Variants in ST6GAL2 observed in about 807,000 individuals in gnomAD.
ST6GAL2 encodes the protein beta-galactoside alpha-2,6-sialyltransferase 2.
A neutral mutation model predicts 37.5 loss-of-function variants in ST6GAL2; 24 were observed. The ratio of observed to expected loss-of-function variants is 0.64; its 90% confidence interval spans 0.46 to 0.90. The LOEUF (loss-of-function observed/expected upper bound fraction) is 0.90, where lower values mean the gene tolerates loss of function less well. ST6GAL2 is among the 40% of genes least tolerant of loss of function. The probability of loss-of-function intolerance (pLI) is 0.00; values close to 1 mark genes in which losing one functional copy is unlikely to be tolerated. For synonymous variants in ST6GAL2, 306 were observed against 295.1 expected, an observed-to-expected ratio of 1.04 and a Z score of -0.38; for missense variants, 715 against 712.7, an observed-to-expected ratio of 1.00 and a Z score of -0.04.
At chr2:106,832,262 G>A (rs946925626) in intron 4 of ST6GAL2, among the ~76,000 whole-genome samples, 2 of 152,196 alleles carry the variant, frequency 1.3e-5, no homozygotes, top group Admixed American at 6.5e-5. Context: ...ACAATTCTGA[G>A]TTTAATCAGT....
intron 1 of ST6GAL2, among the ~76,000 whole-genome samples, chr2:106,867,338 T>C (rs1678073156): frequency 6.6e-6 from 1 of 152,212 alleles, no homozygotes; most frequent in African/African-American, 2.4e-5. Context: ...ATTTTTGTCA[T>C]GATTCCACTG....
At chr2:106,867,063 A>C (rs1678058217) in intron 1 of ST6GAL2, among the ~76,000 whole-genome samples, 1 of 152,206 alleles carries the variant, frequency 6.6e-6, no homozygotes, top group South Asian at 2.1e-4. Context: ...AAGGAAGAGA[A>C]GGGAAAGGAG....
At chr2:106,860,577 C>CGG (rs754179681) in intron 1 of ST6GAL2, among the ~76,000 whole-genome samples, 10 of 152,240 alleles carry the variant, frequency 6.6e-5, no homozygotes, top group Non-Finnish European at 7.3e-5. Flanking sequence ...TACTGCAACA[C>CGG]GGGCAGGTAC....
At chr2:106,828,955 G>T (rs1258846297) in intron 5 of ST6GAL2, among the ~76,000 whole-genome samples, 1 of 152,148 alleles carries the variant, frequency 6.6e-6, no homozygotes, top group Non-Finnish European at 1.5e-5. Flanking sequence ...CCAGTGTGAT[G>T]CTCTTGTTAT....
chr2:106,822,385 A>G (rs1676037534), intron 5 of ST6GAL2, among the ~76,000 whole-genome samples: 1 of 152,174 alleles, frequency 6.6e-6, no homozygotes, highest in Non-Finnish European at 1.5e-5. Flanking sequence ...AAAAGAAATC[A>G]AGAAGGTAAT....
In ST6GAL2 at chr2:106,832,579, C is replaced by T. The variant is rs779528340; in HGVS notation, c.1129G>A (p.Ala377Thr). 2.8e-5 allele frequency: 44 copies of T among 1,578,708 alleles called. No homozygotes were observed. The highest frequency in any genetic ancestry group is 5.6e-5 in the Admixed American group (3 of 53,426). ...GAAACACTTACCAGGTTAAGATTTG[C>T]GGAATATGGGGCAGGGTCCCAGGCC... ...LVAWDPAPYSANLNLWYKKPD... is the reference protein window; with the variant it reads ...LVAWDPAPYSTNLNLWYKKPD... Residue 377 changes from alanine to threonine, a missense_variant, in exon 4 of 6, where the codon GCA becomes ACA. Physicochemically the swap from Ala to Thr is moderately conservative, Grantham distance 58. Around this residue, in one of 3 missense-constraint regions of ST6GAL2, gnomAD observed 198 missense variants for 203.6 expected, o/e 0.97. Transcript: ENST00000409382.
Position 106,833,706 on chromosome 2 carries a change from C to T in ST6GAL2, c.1041+343G>A, listed in dbSNP as rs577533629. 5.3e-5 allele frequency among the ~76,000 whole-genome samples: 8 copies of T among 152,246 alleles called. No homozygotes were observed. The East Asian group carries it at 1.2e-3, about 22-fold the overall frequency. On this transcript the variant is annotated intron_variant, in intron 3 of 5. Coordinates refer to ENST00000409382, the MANE Select transcript of ST6GAL2 (RefSeq NM_001142351.2). The stretch of plus-strand genomic sequence containing the variant: ...TATACTTTGCTTTTCTCCCCTTTAT[C>T]CTCTGCTTTCTTTATTGCCATTTCT...
At chr2:106,852,826 C>T (rs966337468) in intron 1 of ST6GAL2, among the ~76,000 whole-genome samples, 2 of 152,138 alleles carry the variant, frequency 1.3e-5, no homozygotes, top group Admixed American at 6.5e-5. Context: ...GGTGGGTGCA[C>T]GAGCAGCGAA....
chr2:106,839,393 A>G (rs952008746), intron 2 of ST6GAL2, among the ~76,000 whole-genome samples: 3 of 151,962 alleles, frequency 2.0e-5, no homozygotes, highest in African/African-American at 7.3e-5. Flanking sequence ...GTCAGCCTAC[A>G]TATCTCTCTG....
intron 2 of ST6GAL2, 59 bp downstream of exon 2, chr2:106,842,976 G>A (rs1676956654): frequency 2.4e-6 from 3 of 1,248,698 alleles, no homozygotes; most frequent in East Asian, 3.1e-5. Context: ...AGAAAGAACC[G>A]GCCCCCAGGG....
In ST6GAL2 at chr2:106,805,796, A is replaced by G. The variant is rs568381285; in HGVS notation, c.*882T>C. The stretch of plus-strand genomic sequence containing the variant: ...CCCAGCACAGCTGTGCCAATTGTCA[A>G]GTGTGTCACTGACTATGCAAAAGCT... On this transcript the variant is annotated 3_prime_UTR_variant, in exon 6 of 6. Transcript: ENST00000409382. 2.6e-5 allele frequency: 4 copies of G among 152,302 alleles called. No homozygotes were observed. The highest frequency in any genetic ancestry group is 9.6e-5 in the African/African-American group (4 of 41,566). The allele number at this position is 152,302 out of a possible 1,614,324, so 9.4% of individuals were successfully genotyped here.
chr2:106,876,287 G>A (rs1016789291), intron 1 of ST6GAL2, among the ~76,000 whole-genome samples: 1 of 152,066 alleles, frequency 6.6e-6, no homozygotes, highest in Non-Finnish European at 1.5e-5. Flanking sequence ...TGGTCTTCTG[G>A]TTATAGTCTA....
chr2:106,879,201 C>T (rs1015052568), intron 1 of ST6GAL2, among the ~76,000 whole-genome samples: 1 of 152,144 alleles, frequency 6.6e-6, no homozygotes, highest in African/African-American at 2.4e-5. Context: ...AACCCTGCCT[C>T]TTCTGTGTAT....
At chr2:106,849,654 A>G (rs1263060838) in intron 1 of ST6GAL2, among the ~76,000 whole-genome samples, 3 of 152,134 alleles carry the variant, frequency 2.0e-5, no homozygotes, top group Non-Finnish European at 2.9e-5. Context: ...ATGTGAGTGT[A>G]ACACCTTTAA....
At chr2:106,883,863 AG>A (rs1678850145) in intron 1 of ST6GAL2, among the ~76,000 whole-genome samples, 2 of 152,238 alleles carry the variant, frequency 1.3e-5, no homozygotes, top group South Asian at 4.1e-4. Context: ...CTCACCCATG[AG>A]GTAGCAATCT....
chr2:106,832,820 C>T (rs1484060983), intron 3 of ST6GAL2, among the ~76,000 whole-genome samples, 154 bp from the exon 4 acceptor site: 2 of 152,144 alleles, frequency 1.3e-5, no homozygotes, highest in Admixed American at 1.3e-4. Flanking sequence ...GCAGGCGTTG[C>T]ATGCAGAAGC....
rs750972050 is a variant in ST6GAL2, at chr2:106,806,798, G to C, written c.1470C>G (p.Leu490=). Residue 490 remains leucine, a synonymous_variant, in exon 6 of 6, where the codon CTC becomes CTG. Transcript: ENST00000409382. ...TGCCCATGTTCAGGCGCTGCACCAGGAGCTTCTCATAGAGTAGTGGGTGGT... is the reference window on the plus strand; with the variant it reads ...TGCCCATGTTCAGGCGCTGCACCAGCAGCTTCTCATAGAGTAGTGGGTGGT... The part of the protein sequence containing the change: ...GAYHPLLYEK[L]LVQRLNMGTQ... The C allele has an allele frequency of 1.2e-6, 2 of 1,614,080 alleles. No homozygotes were observed. Among genetic ancestry groups the C allele is most frequent in the Non-Finnish European group, 1.7e-6 (2 of 1,180,036 alleles).
chr2:106,884,923 A>G (rs1338732002), intron 1 of ST6GAL2, among the ~76,000 whole-genome samples: 1 of 116,512 alleles, frequency 8.6e-6, no homozygotes, highest in African/African-American at 4.0e-5. Flanking sequence ...ATATATATAT[A>G]TATATATATA....
intron 1 of ST6GAL2, among the ~76,000 whole-genome samples, chr2:106,868,814 T>G (rs1678143007): frequency 6.6e-6 from 1 of 152,102 alleles, no homozygotes; most frequent in Non-Finnish European, 1.5e-5. Context: ...CCCCCACATG[T>G]GTGAATTGTG....
Sources: allele counts gnomAD v4.1 joint callset (sites outside exome capture counted in the v4.1 genomes callset), GRCh38; gene constraint gnomAD v4.1.1; regional missense constraint gnomAD v4.1.1; transcripts MANE v1.5; gene names NCBI Gene and HGNC (gene_info 2026-07-23, HGNC 2026-07-21).